The following CCN4 variants were observed in gnomAD, a reference collection of about 807,000 sequenced individuals.
CCN4 encodes CCN family member 4.
CCN4 carries 30 observed loss-of-function variants against 36.7 expected under a neutral mutation model. The observed-to-expected ratio is 0.82, with a 90% CI of 0.61 to 1.11. The LOEUF (loss-of-function observed/expected upper bound fraction) is 1.11. Among genes scored for constraint, CCN4 ranks in the 50% least tolerant of loss-of-function variants. The pLI is 0.00. For missense variants in CCN4, 505 were observed against 504.9 expected, an observed-to-expected ratio of 1.00 and a Z score of 0.00; for synonymous variants, 191 against 195.4, an observed-to-expected ratio of 0.98 and a Z score of 0.19.
chr8:133,228,106 T>G lies in CCN4; in HGVS notation c.*396T>G. 5.8e-6 allele frequency: 1 copy of G among 172,076 alleles called. No individual in the cohort carries two copies. 10.7% of individuals were successfully genotyped at this position (172,076 alleles called of 1,614,324 possible). A position where few individuals can be genotyped will look rare whatever the true frequency, so the allele number is the denominator to read the frequency against. ...GACTCTTTGGGTCCATTCAGATGAA[T>G]AGATGGAATTTGGAACAATAGAATA... On this transcript the variant is annotated 3_prime_UTR_variant, in exon 5 of 5. Transcript: ENST00000250160.
At chr8:133,199,321 G>A (rs555311520) in intron 1 of CCN4, among the ~76,000 whole-genome samples, 137 of 152,324 alleles carry the variant, frequency 9.0e-4, no homozygotes, top group African/African-American at 3.0e-3. Context: ...AGGGTAGTGC[G>A]GTGGTGAAGA....
chr8:133,198,701 GGTTCTTGTTCTTGCCCAC>G (rs1390751813), intron 1 of CCN4, among the ~76,000 whole-genome samples: 3 of 152,200 alleles, frequency 2.0e-5, no homozygotes, highest in Non-Finnish European at 2.9e-5. Context: ...GGCACCCATG[GGTTCTTGTTCTTGCCCAC>G]GTGGAGGGAA....
intron 1 of CCN4, among the ~76,000 whole-genome samples, chr8:133,199,169 G>T (rs781130470): frequency 1.3e-5 from 2 of 152,246 alleles, no homozygotes; most frequent in African/African-American, 2.4e-5. Flanking sequence ...CAGCTTACGG[G>T]CTTGGTTCTG....
At chr8:133,225,200 G>A (rs1208737287) in intron 3 of CCN4, among the ~76,000 whole-genome samples, 190 bp from the exon 4 acceptor site, 1 of 152,194 alleles carries the variant, frequency 6.6e-6, no homozygotes, top group African/African-American at 2.4e-5. Flanking sequence ...CATACAAGGA[G>A]CTGAGAACAT....
chr8:133,208,094 C>G (rs561912781), intron 1 of CCN4, among the ~76,000 whole-genome samples: 9 of 150,294 alleles, frequency 6.0e-5, no homozygotes, highest in Non-Finnish European at 8.8e-5. Context: ...CTGTCATTTA[C>G]TAGGTGTTGG....
At chr8:133,191,363 T>A in intron 1 of CCN4, 150 bp downstream of exon 1, 2 of 959,252 alleles carry the variant, frequency 2.1e-6, no homozygotes, top group Non-Finnish European at 3.0e-6. Flanking sequence ...GAGCCCAGGG[T>A]GAGGAGTCAG....
In CCN4 at chr8:133,227,564, G is replaced by A. The variant is rs764654100; in HGVS notation, c.958G>A (p.Val320Met). The change falls in exon 5 of 5, where the codon GTG (valine) becomes ATG (methionine). Residue 320 changes from valine (V) to methionine (M), a missense_variant. Val to Met is a conservative substitution (Grantham distance 21). Coordinates refer to ENST00000250160, the MANE Select transcript of CCN4 (RefSeq NM_003882.4). The stretch of plus-strand genomic sequence containing the variant: ...CCCCTACAAGTCTAAGACTATCGAC[G>A]TGTCCTTCCAGTGTCCTGATGGGCT... ...CIPYKSKTID[V>M]SFQCPDGLGF... is the part of the protein sequence containing the mutation. 2.3e-5 allele frequency: 37 copies of A among 1,614,228 alleles called. No homozygotes were observed. Among genetic ancestry groups the A allele is most frequent in the Middle Eastern group, 1.6e-4 (1 of 6,062 alleles).
At chr8:133,223,640 C>G (rs1042192247) in intron 3 of CCN4, among the ~76,000 whole-genome samples, 6 of 144,638 alleles carry the variant, frequency 4.1e-5, no homozygotes, top group African/African-American at 1.5e-4. Context: ...CTTTCTCTCT[C>G]TCACACACAC....
chr8:133,226,129 A>G lies in CCN4; in HGVS notation c.804+546A>G, dbSNP rs545787417. ...AGATAATTAAAATAAAGCATCAAAGAAAATTGGGCCACATTAGTTTGAGCC... is the reference window on the plus strand; with the variant it reads ...AGATAATTAAAATAAAGCATCAAAGGAAATTGGGCCACATTAGTTTGAGCC... On this transcript the variant is annotated intron_variant, in intron 4 of 4. Transcript: ENST00000250160. Among the ~76,000 whole-genome samples the G allele has an allele frequency of 2.0e-5, 3 of 152,322 alleles. No individual in the cohort carries two copies. The East Asian group carries it at 5.8e-4, about 29-fold the overall frequency.
chr8:133,221,447 G>A (rs1413991562), intron 3 of CCN4, among the ~76,000 whole-genome samples: 1 of 152,174 alleles, frequency 6.6e-6, no homozygotes, highest in South Asian at 2.1e-4. Context: ...TAGATGGGCG[G>A]GTGGATGGAT....
Position 133,200,223 on chromosome 8 carries a change from A to G in CCN4, c.69+9010A>G, listed in dbSNP as rs531014833. On this transcript the variant is annotated intron_variant, in intron 1 of 4. Coordinates refer to ENST00000250160, the MANE Select transcript of CCN4 (RefSeq NM_003882.4). The stretch of plus-strand genomic sequence containing the variant: ...CCATTGCCAGATGTGGAAGGCCCAC[A>G]GTGATCCCTTCATCCCAGCCTGCTC... Among the ~76,000 whole-genome samples, 4 of 152,318 alleles carry G rather than the reference A, an allele frequency of 2.6e-5. No homozygotes were observed. In the East Asian group the frequency reaches 5.8e-4, roughly 22 times the overall value.
rs538101473 is a variant in CCN4 at position 133,227,931 on chromosome 8, G to A, written c.*221G>A. ...TTCAGCATCTACTCTAAAGAAAAAT[G>A]CCTGTCTCTAGCTGTTCTGGACTAC... On this transcript the variant is annotated 3_prime_UTR_variant, in exon 5 of 5. Transcript: ENST00000250160. 17 of 557,514 alleles carry A rather than the reference G, an allele frequency of 3.0e-5. No homozygotes were observed. The highest frequency in any genetic ancestry group is 4.0e-5 in the Non-Finnish European group (13 of 321,670). The allele number at this position is 557,514 out of a possible 1,614,324, so 34.5% of individuals were successfully genotyped here.
intron 3 of CCN4, among the ~76,000 whole-genome samples, chr8:133,224,322 C>A (rs1173764145): frequency 2.1e-5 from 3 of 144,956 alleles, no homozygotes; most frequent in Non-Finnish European, 4.5e-5. Context: ...CTCACTGCAA[C>A]CTCTACCTCC....
At position 133,231,338 on chromosome 8, in the gene CCN4, C is replaced by G. The variant is rs1257345165; in HGVS notation, c.*3628C>G. ...TGTGTATATATATGTATGTATGTAT[C>G]TATTTTCAAACTGTGATTTAATATT... On this transcript the variant is annotated 3_prime_UTR_variant, in exon 5 of 5. Coordinates refer to ENST00000250160, the MANE Select transcript of CCN4 (RefSeq NM_003882.4). 1 of 152,126 alleles carries G rather than the reference C, an allele frequency of 6.6e-6. No individual in the cohort carries two copies. The highest frequency in any genetic ancestry group is 1.5e-5 in the Non-Finnish European group (1 of 68,034). 9.4% of individuals were successfully genotyped at this position (152,126 alleles called of 1,614,324 possible). A position where few individuals can be genotyped will look rare whatever the true frequency, so the allele number is the denominator to read the frequency against.
Position 133,191,119 on chromosome 8 carries a change from G to A in CCN4, c.-26G>A, listed in dbSNP as rs563538913. The A allele has an allele frequency of 1.6e-5, 26 of 1,604,346 alleles. No individual in the cohort carries two copies. The highest frequency in any genetic ancestry group is 1.1e-4 in the East Asian group (5 of 44,844). Reference sequence around the variant, plus strand: ...GTCGGATCCTCTGGGCTGCTCGGTCGATGCCTGTGCCACTGACGTCCAGGC... The same window carrying A: ...GTCGGATCCTCTGGGCTGCTCGGTCAATGCCTGTGCCACTGACGTCCAGGC... On this transcript the variant is annotated 5_prime_UTR_variant, in exon 1 of 5. Transcript: ENST00000250160.
chr8:133,194,314 T>TGGGG, intron 1 of CCN4, among the ~76,000 whole-genome samples: 1 of 104,960 alleles, frequency 9.5e-6, no homozygotes, highest in South Asian at 3.6e-4. Context: ...GTGGTGTGTG[T>TGGGG]GTGTATGTGT....
chr8:133,216,707 G>T (rs1410728045), intron 2 of CCN4, among the ~76,000 whole-genome samples: 1 of 152,168 alleles, frequency 6.6e-6, no homozygotes, highest in Non-Finnish European at 1.5e-5. Flanking sequence ...TTGGTGGAAG[G>T]ATTATGATAT....
At chr8:133,226,034 G>T (rs1394463741) in intron 4 of CCN4, among the ~76,000 whole-genome samples, 1 of 152,120 alleles carries the variant, frequency 6.6e-6, no homozygotes, top group Admixed American at 6.5e-5. Flanking sequence ...GCTCATCACT[G>T]AGCCCCCATT....
chr8:133,216,097 G>A (rs937438512), intron 2 of CCN4, among the ~76,000 whole-genome samples: 7 of 151,920 alleles, frequency 4.6e-5, no homozygotes, highest in East Asian at 1.9e-4. Flanking sequence ...ACATGTTCCC[G>A]GAAGTGCTAC....
Sources: gnomAD v4.1 joint callset for allele counts (sites outside exome capture counted in the v4.1 genomes callset) on GRCh38, gnomAD v4.1.1 for gene constraint, MANE v1.5 for transcripts, NCBI Gene and HGNC (gene_info 2026-07-23, HGNC 2026-07-21) for gene names.